The following TENM1 variants were observed in gnomAD, a reference collection of about 807,000 sequenced individuals.
TENM1 encodes teneurin transmembrane protein 1.
In TENM1, 35 loss-of-function variants were observed where a neutral mutation model predicts 174.8. The ratio of observed to expected loss-of-function variants is 0.20; its 90% CI spans 0.15 to 0.27. The LOEUF is 0.27. Ranked by LOEUF, TENM1 falls within the 10% of genes least tolerant of loss-of-function variation. TENM1 has a pLI of 1.00. For synonymous variants in TENM1, 781 were observed against 798.7 expected (o/e 0.98, Z 0.37); for missense variants, 1,633 against 2,130.1 (o/e 0.77, Z 4.59).
At chrX:125,135,615 CAA>C in the TENM1 span, among the ~76,000 whole-genome samples, 1 of 111,319 alleles carries the variant, frequency 9.0e-6, no homozygotes, top group African/African-American at 3.3e-5. Context: ...ACAACAGAAA[CAA>C]AAGAAAATTC....
chrX:124,698,857 G>C (rs1449140221), intron 5 of TENM1, among the ~76,000 whole-genome samples: 3 of 111,228 alleles, frequency 2.7e-5, no homozygotes, highest in African/African-American at 9.8e-5. Context: ...ACCCTAAATG[G>C]ATAAGCCTCC....
At chrX:124,738,174 C>T (rs971541794) in intron 3 of TENM1, among the ~76,000 whole-genome samples, 1 of 111,618 alleles carries the variant, frequency 9.0e-6, no homozygotes, top group Admixed American at 9.5e-5. Context: ...CTTGTAACAC[C>T]AGCACGTTCT....
chrX:124,715,870 T>C (rs1458322567), intron 4 of TENM1, among the ~76,000 whole-genome samples: 2 of 111,261 alleles, frequency 1.8e-5, no homozygotes, highest in African/African-American at 3.3e-5. Context: ...TTTATTTTTA[T>C]TGAGTTATAA....
intron 19 of TENM1, among the ~76,000 whole-genome samples, chrX:124,502,972 C>T (rs1249446553): frequency 2.7e-5 from 3 of 111,742 alleles, no homozygotes; most frequent in African/African-American, 6.5e-5. Context: ...GCCTTAACCA[C>T]CTGTTCCACA....
chrX:124,843,624 G>A (rs1393843884), intron 3 of TENM1, among the ~76,000 whole-genome samples: 1 of 111,683 alleles, frequency 9.0e-6, no homozygotes, highest in Admixed American at 9.5e-5. Context: ...TATTCTTCAC[G>A]TATTTCATAA....
At chrX:124,394,550 T>C (rs2060314111) in intron 27 of TENM1, among the ~76,000 whole-genome samples, 1 of 111,755 alleles carries the variant, frequency 8.9e-6, no homozygotes, top group African/African-American at 3.3e-5. Context: ...CTCTTTGCTT[T>C]AAAAAGTAAC....
At chrX:125,081,792 C>T in the TENM1 span, among the ~76,000 whole-genome samples, 1 of 111,349 alleles carries the variant, frequency 9.0e-6, no homozygotes, top group East Asian at 2.8e-4. Context: ...TACATACACA[C>T]TACGGAATAT....
At chrX:125,025,652 A>G in the TENM1 span, among the ~76,000 whole-genome samples, 1 of 111,176 alleles carries the variant, frequency 9.0e-6, no homozygotes, top group African/African-American at 3.3e-5. Flanking sequence ...GGCCTTCTGA[A>G]AAAAGGTTAC....
chrX:124,422,059 T>C (rs906856046), intron 24 of TENM1, among the ~76,000 whole-genome samples: 3 of 112,135 alleles, frequency 2.7e-5, no homozygotes, highest in African/African-American at 9.7e-5. Flanking sequence ...AAATGAGTCA[T>C]GAAGAGATCT....
chrX:124,627,843 T>C (rs141760199), intron 11 of TENM1, among the ~76,000 whole-genome samples: 1,629 of 111,805 alleles, frequency 0.015, 29 homozygotes, highest in African/African-American at 0.05. Context: ...AGACATTTTA[T>C]CTAAAGCATA....
the TENM1 span, among the ~76,000 whole-genome samples, chrX:125,034,018 T>C: frequency 9.0e-6 from 1 of 111,570 alleles, no homozygotes; most frequent in Non-Finnish European, 1.9e-5. Context: ...ACAACAACAC[T>C]GTGAGACAGA....
At chrX:124,592,226 G>A (rs1335373551) in intron 11 of TENM1, among the ~76,000 whole-genome samples, 1 of 111,269 alleles carries the variant, frequency 9.0e-6, no homozygotes, top group African/African-American at 3.3e-5. Context: ...TTCTTTACCT[G>A]TAATTTCTGA....
intron 3 of TENM1, among the ~76,000 whole-genome samples, chrX:124,760,000 G>A (rs1301320245): frequency 9.0e-6 from 1 of 111,301 alleles, no homozygotes; most frequent in Non-Finnish European, 1.9e-5. Flanking sequence ...CCAGACTGCT[G>A]GTCCCGGATG....
chrX:124,983,338 A>G, the TENM1 span, among the ~76,000 whole-genome samples: 5 of 112,143 alleles, frequency 4.5e-5, no homozygotes, highest in Non-Finnish European at 9.4e-5. Flanking sequence ...TAACATTATC[A>G]TCCTCTTCTT....
At chrX:124,715,217 C>T (rs187953038) in intron 4 of TENM1, among the ~76,000 whole-genome samples, 10 of 111,587 alleles carry the variant, frequency 9.0e-5, no homozygotes, top group African/African-American at 2.9e-4. Context: ...CTTATCAATC[C>T]TCTTACAATT....
chrX:124,814,869 C>T (rs1047796877), intron 3 of TENM1, among the ~76,000 whole-genome samples: 3 of 111,740 alleles, frequency 2.7e-5, no homozygotes, highest in Non-Finnish European at 5.7e-5. Flanking sequence ...TGAAAGTAGC[C>T]TCCAATGCCA....
chrX:125,034,482 C>T, the TENM1 span, among the ~76,000 whole-genome samples: 2 of 111,351 alleles, frequency 1.8e-5, no homozygotes, highest in Non-Finnish European at 3.8e-5. Context: ...GGGAGGCTTA[C>T]AGCAAACTCG....
intron 3 of TENM1, among the ~76,000 whole-genome samples, chrX:124,888,745 AACC>A (rs2057429095): frequency 8.9e-6 from 1 of 112,092 alleles, no homozygotes; most frequent in Non-Finnish European, 1.9e-5. Context: ...GATAAACAAC[AACC>A]ACAACTGACA....
At chrX:124,573,042 G>T (rs2049090547) in intron 11 of TENM1, among the ~76,000 whole-genome samples, 1 of 111,189 alleles carries the variant, frequency 9.0e-6, no homozygotes. Context: ...GAATATCCAA[G>T]AACATTTTGA....
Sources: allele counts gnomAD v4.1 joint callset (sites outside exome capture counted in the v4.1 genomes callset), GRCh38; gene constraint gnomAD v4.1.1; transcripts MANE v1.5; gene names NCBI Gene and HGNC (gene_info 2026-07-23, HGNC 2026-07-21).